Variants in CFAP46 observed in about 807,000 individuals in gnomAD.
The protein encoded by CFAP46 is cilia and flagella associated protein 46.
CFAP46 carries 245 observed loss-of-function variants against 325.7 expected under a neutral mutation model. That is an observed-to-expected ratio of 0.75 (90% confidence interval 0.68 to 0.84). CFAP46 has a LOEUF of 0.84. CFAP46 is among the 40% of genes least tolerant of loss of function. CFAP46 has a pLI of 0.00. For missense variants in CFAP46, 3,346 were observed against 3,543.0 expected, an observed-to-expected ratio of 0.94 and a Z score of 1.41; for synonymous variants, 1,523 against 1,495.9, an observed-to-expected ratio of 1.02 and a Z score of -0.42.
chr10:132,810,678 G>A (rs892366143), intron 56 of CFAP46, 189 bp from the exon 57 acceptor site: 1 of 735,104 alleles, frequency 1.4e-6, no homozygotes, highest in Non-Finnish European at 2.5e-6. Flanking sequence ...AGGCTCAGCA[G>A]GATGGCCGCC....
At chr10:132,912,933 C>A in intron 18 of CFAP46, 113 bp from the exon 19 acceptor site, 1 of 1,484,140 alleles carries the variant, frequency 6.7e-7, no homozygotes, top group South Asian at 1.3e-5. Context: ...GTGCCCACGA[C>A]CCTCCTCTGC....
intron 35 of CFAP46, 46 bp downstream of exon 35, chr10:132,865,979 G>A (rs1013499011): frequency 1.7e-5 from 24 of 1,445,878 alleles, no homozygotes; most frequent in East Asian, 2.6e-5. Context: ...TGCACAGTGC[G>A]CTGGGAGCGG....
At chr10:132,927,065 C>T (rs993221008) in intron 9 of CFAP46, among the ~76,000 whole-genome samples, 3 of 152,200 alleles carry the variant, frequency 2.0e-5, no homozygotes, top group Non-Finnish European at 4.4e-5. Context: ...TTCTTGGGGG[C>T]TTGCTGAGCT....
Position 132,847,308 on chromosome 10 carries a change from A to G in CFAP46, c.5966T>C (p.Leu1989Pro). Residue 1989 changes from leucine (L) to proline (P), a missense_variant, in exon 42 of 58, where the codon CTG becomes CCG. Leu to Pro is a moderately conservative substitution (Grantham distance 98). Transcript: ENST00000368586. This position sits in a 1 kb window ranked among gnomAD's most constrained non-coding sequence, Gnocchi z 5.2. ...CAGCTCCAGAGACTTGAGGCCGCTC[A>G]GCTTGGCGCCCACCTGTGACACACA... ...WEAGPSVGAK[L>P]SGLKSLELEV... is the part of the protein sequence containing the mutation. 6.2e-7 allele frequency: 1 copy of G among 1,613,478 alleles called. No individual in the cohort carries two copies. The highest frequency in any genetic ancestry group is 8.5e-7 in the Non-Finnish European group (1 of 1,179,902).
intron 39 of CFAP46, among the ~76,000 whole-genome samples, chr10:132,857,269 G>T (rs1226735246): frequency 6.6e-6 from 1 of 152,198 alleles, no homozygotes; most frequent in Non-Finnish European, 1.5e-5. Flanking sequence ...TCTGTCCCAT[G>T]AGTGGCAGTG....
chr10:132,890,570 C>T (rs1449223553), intron 25 of CFAP46, among the ~76,000 whole-genome samples: 1 of 152,160 alleles, frequency 6.6e-6, no homozygotes. Flanking sequence ...GGGATTGGCC[C>T]AGGAATGCCT....
intron 46 of CFAP46, among the ~76,000 whole-genome samples, 200 bp downstream of exon 46, chr10:132,835,942 C>T (rs1323505525): frequency 1.0e-5 from 1 of 95,700 alleles, no homozygotes; most frequent in Non-Finnish European, 2.2e-5. Context: ...GCCCCTGCTC[C>T]CCCCTCCCCC....
intron 24 of CFAP46, among the ~76,000 whole-genome samples, chr10:132,894,724 AAATG>A (rs1390157436): frequency 6.6e-6 from 1 of 152,220 alleles, no homozygotes; most frequent in Non-Finnish European, 1.5e-5. Flanking sequence ...AATCTAGAAA[AAATG>A]AACAAATCCC....
rs117657228 is a variant in CFAP46 at position 132,847,998 on chromosome 10, C to T, written c.5953-677G>A. Among the ~76,000 whole-genome samples, 14 of 152,238 alleles carry T rather than the reference C, an allele frequency of 9.2e-5. No individual in the cohort carries two copies. Among genetic ancestry groups the T allele is most frequent in the East Asian group, 1.9e-4 (1 of 5,144 alleles). On this transcript the variant is annotated intron_variant, in intron 41 of 57. Coordinates refer to ENST00000368586, the MANE Select transcript of CFAP46 (RefSeq NM_001200049.3). The surrounding 1 kb of genome is among the most constrained non-coding windows in gnomAD (Gnocchi z 5.2). ...GGCAGCCGTGGCCACCTGACACGCA[C>T]GGCTGCCTGACATGCACGGAGCCTG...
At chr10:132,821,458 T>A (rs1233332407) in intron 50 of CFAP46, among the ~76,000 whole-genome samples, 2 of 140,058 alleles carry the variant, frequency 1.4e-5, no homozygotes, top group Admixed American at 7.0e-5. Context: ...GTGTGCTGTG[T>A]GTGCTGATGT....
At chr10:132,927,590 C>A (rs546417458) in intron 9 of CFAP46, among the ~76,000 whole-genome samples, 1 of 152,346 alleles carries the variant, frequency 6.6e-6, no homozygotes, top group Non-Finnish European at 1.5e-5. Flanking sequence ...AGCCTCCATG[C>A]CACTAAGGAA....
chr10:132,840,057 C>T (rs187462868), intron 44 of CFAP46, among the ~76,000 whole-genome samples: 10 of 152,256 alleles, frequency 6.6e-5, no homozygotes, highest in Admixed American at 3.3e-4. Context: ...TTTATTCTTC[C>T]AGTTTTTGGA....
At chr10:132,823,813 C>A (rs1847956420) in intron 50 of CFAP46, among the ~76,000 whole-genome samples, 1 of 123,506 alleles carries the variant, frequency 8.1e-6, no homozygotes, top group Non-Finnish European at 1.7e-5. Context: ...GTGCTGTGTG[C>A]TGTGTGAGTG....
At chr10:132,811,308 C>T (rs903190723) in intron 55 of CFAP46, among the ~76,000 whole-genome samples, 2 of 152,216 alleles carry the variant, frequency 1.3e-5, no homozygotes, top group African/African-American at 2.4e-5. Context: ...TGGGCTCCCC[C>T]AGCCTCCTCT....
chr10:132,814,378 G>A (rs7070307), intron 53 of CFAP46, 124 bp from the exon 54 acceptor site: 6 of 1,033,038 alleles, frequency 5.8e-6, no homozygotes, highest in East Asian at 2.6e-5. Flanking sequence ...TGCCATGCCC[G>A]GGTGGGGTGA....
At chr10:132,813,551 C>T in intron 54 of CFAP46, among the ~76,000 whole-genome samples, 1 of 107,934 alleles carries the variant, frequency 9.3e-6, no homozygotes, top group Non-Finnish European at 1.9e-5. Context: ...CTGCACACAC[C>T]TGCCCCTGCA....
At chr10:132,936,618 G>A (rs1201922861) in intron 7 of CFAP46, among the ~76,000 whole-genome samples, 1 of 125,842 alleles carries the variant, frequency 7.9e-6, no homozygotes, top group Non-Finnish European at 1.8e-5. Flanking sequence ...ACTCCCCTTG[G>A]CATCCAAACA....
intron 50 of CFAP46, among the ~76,000 whole-genome samples, chr10:132,820,450 G>A (rs1176161570): frequency 6.6e-6 from 1 of 152,210 alleles, no homozygotes. Context: ...GCTGATGTGT[G>A]CTGTGTGAGC....
chr10:132,829,135 A>C (rs1318013394), intron 50 of CFAP46, among the ~76,000 whole-genome samples: 1 of 151,212 alleles, frequency 6.6e-6, no homozygotes, highest in East Asian at 1.9e-4. Context: ...ATTGTGTGGA[A>C]TCTATAGATC....
Sources: gnomAD v4.1 joint callset for allele counts (sites outside exome capture counted in the v4.1 genomes callset) on GRCh38, gnomAD v4.1.1 for gene constraint, Gnocchi (gnomAD v3.1) non-coding constraint, MANE v1.5 for transcripts, NCBI Gene and HGNC (gene_info 2026-07-23, HGNC 2026-07-21) for gene names.